ZNF385B: variants seen among roughly 807,000 people sequenced by gnomAD.
ZNF385B encodes zinc finger protein 533.
Under a neutral mutation model 39.2 loss-of-function variants are expected in ZNF385B, and 23 were observed. The ratio of observed to expected loss-of-function variants is 0.59; its 90% CI spans 0.42 to 0.83. The LOEUF (loss-of-function observed/expected upper bound fraction) is 0.83, where lower values mean the gene tolerates loss of function less well. Ranked by LOEUF, ZNF385B falls within the 40% of genes least tolerant of loss-of-function variation. ZNF385B has a pLI of 0.00. For missense variants in ZNF385B, 552 were observed against 598.9 expected, an observed-to-expected ratio of 0.92 and a Z score of 0.82; for synonymous variants, 205 against 222.6, an observed-to-expected ratio of 0.92 and a Z score of 0.70.
intron 1 of ZNF385B, among the ~76,000 whole-genome samples, chr2:179,789,293 T>C (rs749122232): frequency 2.6e-5 from 4 of 152,190 alleles, no homozygotes; most frequent in Non-Finnish European, 5.9e-5. Flanking sequence ...AGTTAAGAAG[T>C]TGTTAAAATC....
chr2:179,834,148 T>C (rs962191902), intron 1 of ZNF385B, among the ~76,000 whole-genome samples: 2 of 152,166 alleles, frequency 1.3e-5, no homozygotes, highest in Non-Finnish European at 2.9e-5. Flanking sequence ...TATATATGTA[T>C]GTGTGTGCAC....
intron 3 of ZNF385B, among the ~76,000 whole-genome samples, chr2:179,628,616 G>A (rs1206210469): frequency 6.6e-6 from 1 of 152,150 alleles, no homozygotes; most frequent in Non-Finnish European, 1.5e-5. Flanking sequence ...AGTAGGTTTT[G>A]TTCTTCTCAT....
chr2:179,457,137 T>C (rs1271780514), intron 6 of ZNF385B, among the ~76,000 whole-genome samples: 1 of 152,152 alleles, frequency 6.6e-6, no homozygotes, highest in Non-Finnish European at 1.5e-5. Flanking sequence ...TCACACAATA[T>C]ATTTCTTTTG....
At chr2:179,609,129 T>C (rs1689077252) in intron 3 of ZNF385B, among the ~76,000 whole-genome samples, 2 of 152,080 alleles carry the variant, frequency 1.3e-5, no homozygotes, top group Admixed American at 1.3e-4. Flanking sequence ...ACTGTAATCA[T>C]TCGGTTGTGC....
chr2:179,774,931 C>T (rs920903065), intron 1 of ZNF385B, among the ~76,000 whole-genome samples: 4 of 152,194 alleles, frequency 2.6e-5, no homozygotes, highest in African/African-American at 9.6e-5. Flanking sequence ...GGAAATGGAA[C>T]ACTGGGTATT....
chr2:179,804,623 G>C (rs1361154448), intron 1 of ZNF385B, among the ~76,000 whole-genome samples: 1 of 152,160 alleles, frequency 6.6e-6, no homozygotes, highest in African/African-American at 2.4e-5. Flanking sequence ...AGAAAATTGA[G>C]ATAATAGTAG....
chr2:179,516,089 T>C (rs2058069390), intron 5 of ZNF385B, among the ~76,000 whole-genome samples: 1 of 138,992 alleles, frequency 7.2e-6, no homozygotes, highest in Admixed American at 7.8e-5. Context: ...CATTGTAGCA[T>C]GTATCAGTAC....
rs768693941 is a variant in ZNF385B at position 179,444,942 on chromosome 2, T to G, written c.1176A>C (p.Ala392=). The part of the protein sequence containing the change: ...ISSRRHKDRV[A]GKPLKPKYSP... ...TGTATTTTGGCTTCAGTGGTTTCCCTGCAACTCGATCTTTATGCCTTCGGC... is the reference window on the plus strand; with the variant it reads ...TGTATTTTGGCTTCAGTGGTTTCCCGGCAACTCGATCTTTATGCCTTCGGC... Residue 392 remains alanine (A), a synonymous_variant, in exon 9 of 10, where the codon GCA becomes GCC. Coordinates refer to ENST00000410066, the MANE Select transcript of ZNF385B (RefSeq NM_152520.6). 1.6e-5 allele frequency: 26 copies of G among 1,614,014 alleles called. 1 individual carries two copies. In the African/African-American group the frequency reaches 1.9e-4, roughly 12 times the overall value.
rs1448456011 is a variant in ZNF385B at position 179,552,608 on chromosome 2, A to AT, written c.299-7640dup. Reference sequence around the variant, plus strand: ...AGCTTTGTTACACCTAATACTGTATATTTTTTCTCTCATCAGGATAATTGC... The same window carrying AT: ...AGCTTTGTTACACCTAATACTGTATATTTTTTTCTCTCATCAGGATAATTGC... On this transcript the variant is annotated intron_variant, in intron 3 of 9. Coordinates refer to ENST00000410066, the MANE Select transcript of ZNF385B (RefSeq NM_152520.6). 2.0e-5 allele frequency among the ~76,000 whole-genome samples: 3 copies of AT among 148,440 alleles called. 1 individual carries two copies. The highest frequency in any genetic ancestry group is 4.5e-5 in the Non-Finnish European group (3 of 67,356).
At chr2:179,530,046 T>G (rs10203607) in intron 4 of ZNF385B, among the ~76,000 whole-genome samples, 6 of 152,166 alleles carry the variant, frequency 3.9e-5, no homozygotes, top group Admixed American at 1.3e-4. Flanking sequence ...CACTGGAGTG[T>G]AGGTCATGAG....
chr2:179,449,559 T>C (rs969429632), intron 6 of ZNF385B, among the ~76,000 whole-genome samples: 1 of 152,054 alleles, frequency 6.6e-6, no homozygotes, highest in African/African-American at 2.4e-5. Context: ...ATGAAGGACC[T>C]CTTCAAGGAG....
intron 3 of ZNF385B, among the ~76,000 whole-genome samples, chr2:179,678,664 T>C (rs1424999758): frequency 1.3e-5 from 2 of 152,204 alleles, no homozygotes; most frequent in African/African-American, 2.4e-5. Context: ...TAAGCCATTG[T>C]TATTTTGGGT....
intron 5 of ZNF385B, among the ~76,000 whole-genome samples, chr2:179,506,736 T>A (rs1350376608): frequency 6.6e-6 from 1 of 152,192 alleles, no homozygotes; most frequent in Non-Finnish European, 1.5e-5. Flanking sequence ...TATGAGTTTT[T>A]TTGTGGCTAT....
At chr2:179,632,096 A>G (rs897799006) in intron 3 of ZNF385B, among the ~76,000 whole-genome samples, 7 of 152,178 alleles carry the variant, frequency 4.6e-5, no homozygotes, top group African/African-American at 1.7e-4. Flanking sequence ...CCACACAATA[A>G]TAATGAGAGA....
At chr2:179,576,825 T>C (rs1178767654) in intron 3 of ZNF385B, among the ~76,000 whole-genome samples, 1 of 152,164 alleles carries the variant, frequency 6.6e-6, no homozygotes, top group Non-Finnish European at 1.5e-5. Context: ...CATATCCACA[T>C]GGGCTTATAA....
chr2:179,574,966 GC>G (rs1397317922), intron 3 of ZNF385B, among the ~76,000 whole-genome samples: 1 of 152,030 alleles, frequency 6.6e-6, no homozygotes, highest in African/African-American at 2.4e-5. Flanking sequence ...TTTTAGAACT[GC>G]CCTTCTTTCG....
At chr2:179,575,499 A>C (rs1685703158) in intron 3 of ZNF385B, among the ~76,000 whole-genome samples, 3 of 152,110 alleles carry the variant, frequency 2.0e-5, no homozygotes, top group Admixed American at 2.0e-4. Flanking sequence ...CAGAAGTCGA[A>C]ATGCTATTTA....
intron 1 of ZNF385B, among the ~76,000 whole-genome samples, chr2:179,852,807 G>A (rs934252327): frequency 6.6e-6 from 1 of 152,150 alleles, no homozygotes; most frequent in Non-Finnish European, 1.5e-5. Flanking sequence ...GCTTTCAAGG[G>A]TTAATTCCAT....
intron 5 of ZNF385B, among the ~76,000 whole-genome samples, chr2:179,496,617 A>G (rs1484649134): frequency 6.6e-6 from 1 of 152,238 alleles, no homozygotes; most frequent in Non-Finnish European, 1.5e-5. Flanking sequence ...CACATACAAC[A>G]GAGCTCCAAT....
Sources: gnomAD v4.1 joint callset for allele counts (sites outside exome capture counted in the v4.1 genomes callset) on GRCh38, gnomAD v4.1.1 for gene constraint, MANE v1.5 for transcripts, NCBI Gene and HGNC (gene_info 2026-07-23, HGNC 2026-07-21) for gene names.